The following GPHN variants were observed in gnomAD, a reference collection of about 807,000 sequenced individuals.
GPHN encodes the protein gephyrin.
A neutral mutation model predicts 95.5 loss-of-function variants in GPHN; 17 were observed. That is an observed-to-expected ratio of 0.18 (90% CI 0.12 to 0.27). GPHN has a LOEUF of 0.27. GPHN is among the 10% of genes least tolerant of loss of function. The pLI is 1.00. For synonymous variants in GPHN, 320 were observed against 322.5 expected, an observed-to-expected ratio of 0.99 and a Z score of 0.08; for missense variants, 660 against 978.1, an observed-to-expected ratio of 0.67 and a Z score of 4.34.
At chr14:67,081,434 A>G (rs1410008205) in intron 11 of GPHN, among the ~76,000 whole-genome samples, 2 of 151,930 alleles carry the variant, frequency 1.3e-5, no homozygotes, top group Admixed American at 1.3e-4. Context: ...TCCTTAGCCC[A>G]TTTTTTGACA....
intron 4 of GPHN, among the ~76,000 whole-genome samples, chr14:66,826,193 AC>A (rs1393584280): frequency 6.6e-6 from 1 of 152,200 alleles, no homozygotes; most frequent in Non-Finnish European, 1.5e-5. Context: ...GAAATAATTT[AC>A]ATCACAAAAT....
intron 4 of GPHN, among the ~76,000 whole-genome samples, chr14:66,872,706 G>A (rs376851449): frequency 6.6e-6 from 1 of 152,120 alleles, no homozygotes; most frequent in African/African-American, 2.4e-5. Flanking sequence ...GACCAGCTTG[G>A]CCAACATGGT....
chr14:67,279,520 A>G, the GPHN span: 8 of 1,535,936 alleles, frequency 5.2e-6, no homozygotes, highest in South Asian at 1.3e-5. Context: ...AGTCCTCATT[A>G]TGCTGTGAAA....
At chr14:67,610,226 C>G in the GPHN span, among the ~76,000 whole-genome samples, 1 of 152,188 alleles carries the variant, frequency 6.6e-6, no homozygotes, top group Admixed American at 6.5e-5. Context: ...TATAACATGA[C>G]TGACTCCATT....
At chr14:67,041,283 A>G (rs2074687430) in intron 10 of GPHN, among the ~76,000 whole-genome samples, 1 of 151,774 alleles carries the variant, frequency 6.6e-6, no homozygotes, top group African/African-American at 2.4e-5. Flanking sequence ...TTTTTTACAT[A>G]GGTATACACG....
At chr14:66,535,851 A>G (rs770963096) in intron 1 of GPHN, among the ~76,000 whole-genome samples, 7 of 152,006 alleles carry the variant, frequency 4.6e-5, no homozygotes, top group Non-Finnish European at 7.4e-5. Flanking sequence ...TATTTTATAG[A>G]TTTTTTGTAT....
At chr14:67,405,062 C>T in the GPHN span, among the ~76,000 whole-genome samples, 2 of 151,066 alleles carry the variant, frequency 1.3e-5, no homozygotes, top group East Asian at 3.9e-4. Flanking sequence ...GGCGAAACCC[C>T]ATCTCTACTA....
the GPHN span, among the ~76,000 whole-genome samples, chr14:67,367,306 C>T: frequency 6.6e-6 from 1 of 152,218 alleles, no homozygotes; most frequent in Non-Finnish European, 1.5e-5. Context: ...TCTTGGCTCA[C>T]TGCAACCTCC....
At chr14:66,553,919 C>T (rs1254714947) in intron 1 of GPHN, among the ~76,000 whole-genome samples, 4 of 152,148 alleles carry the variant, frequency 2.6e-5, no homozygotes, top group African/African-American at 9.7e-5. Context: ...TTTAGTTCCT[C>T]TTTATGGTTT....
chr14:67,364,725 C>G, the GPHN span: 6 of 1,557,880 alleles, frequency 3.9e-6, 1 homozygote, highest in Non-Finnish European at 5.2e-6. Context: ...TTTATTTTCA[C>G]CTTAACTGAA....
chr14:67,412,642 C>T, the GPHN span, among the ~76,000 whole-genome samples: 3 of 152,154 alleles, frequency 2.0e-5, no homozygotes, highest in South Asian at 6.2e-4. Flanking sequence ...GCAGGATATA[C>T]CCCGCTCCCT....
intron 1 of GPHN, among the ~76,000 whole-genome samples, chr14:66,675,833 TC>T (rs1417004126): frequency 2.0e-5 from 3 of 152,172 alleles, no homozygotes; most frequent in Non-Finnish European, 4.4e-5. Context: ...TATCCAATTT[TC>T]CAACACCATT....
At chr14:67,395,637 C>T in the GPHN span, 24 of 1,547,180 alleles carry the variant, frequency 1.6e-5, no homozygotes, top group African/African-American at 1.9e-4. Context: ...AAGAGGACGC[C>T]GGGCAGCAAA....
the GPHN span, chr14:67,580,036 A>G: frequency 1.5e-6 from 1 of 654,000 alleles, no homozygotes; most frequent in Non-Finnish European, 2.6e-6. Flanking sequence ...CCTAAAATGT[A>G]CCTGGGCAGG....
chr14:67,136,970 C>T (rs1039596010), intron 17 of GPHN, among the ~76,000 whole-genome samples: 2 of 152,014 alleles, frequency 1.3e-5, no homozygotes, highest in African/African-American at 4.8e-5. Context: ...CAAGACCAGC[C>T]TGGCCAACAT....
chr14:66,930,731 G>T (rs2066745542), intron 8 of GPHN, among the ~76,000 whole-genome samples: 1 of 151,972 alleles, frequency 6.6e-6, no homozygotes, highest in South Asian at 2.1e-4. Context: ...TCACTATTTT[G>T]CCCAGGCTTG....
intron 1 of GPHN, among the ~76,000 whole-genome samples, chr14:66,509,625 C>T (rs1360304487): frequency 6.6e-6 from 1 of 151,990 alleles, no homozygotes; most frequent in African/African-American, 2.4e-5. Flanking sequence ...AGTGGCGAGA[C>T]GGGGGTTAAA....
At chr14:67,349,587 C>A in the GPHN span, among the ~76,000 whole-genome samples, 2 of 152,284 alleles carry the variant, frequency 1.3e-5, no homozygotes, top group Admixed American at 1.3e-4. Flanking sequence ...GTAATCCTGG[C>A]ACTTTGGGAG....
intron 1 of GPHN, among the ~76,000 whole-genome samples, chr14:66,511,900 A>T (rs1397494139): frequency 8.6e-5 from 13 of 151,986 alleles, no homozygotes; most frequent in Non-Finnish European, 1.8e-4. Context: ...GTATGTGGAA[A>T]CATTTTATGT....
Sources: allele counts gnomAD v4.1 joint callset (sites outside exome capture counted in the v4.1 genomes callset), GRCh38; gene constraint gnomAD v4.1.1; transcripts MANE v1.5; gene names NCBI Gene and HGNC (gene_info 2026-07-23, HGNC 2026-07-21).